CYP19A1: variants seen among roughly 807,000 people sequenced by gnomAD.
CYP19A1 encodes aromatase.
CYP19A1 carries 32 observed loss-of-function variants against 44.4 expected under a neutral mutation model. The observed-to-expected ratio is 0.72, with a 90% CI of 0.54 to 0.97. The LOEUF is 0.97. CYP19A1 is among the 50% of genes least tolerant of loss of function. The probability of loss-of-function intolerance (pLI) is 0.00; values close to 1 mark genes in which losing one functional copy is unlikely to be tolerated. For missense variants in CYP19A1, 598 were observed against 637.8 expected (o/e 0.94, Z 0.67); for synonymous variants, 212 against 215.6 (o/e 0.98, Z 0.14).
chr15:51,257,666 C>T (rs980652420), intron 1 of CYP19A1, among the ~76,000 whole-genome samples: 1 of 152,222 alleles, frequency 6.6e-6, no homozygotes, highest in Non-Finnish European at 1.5e-5. Context: ...AGGATCAATC[C>T]CACACAGCGC....
At chr15:51,240,634 A>G (rs1422594000) in intron 2 of CYP19A1, among the ~76,000 whole-genome samples, 1 of 152,060 alleles carries the variant, frequency 6.6e-6, no homozygotes, top group African/African-American at 2.4e-5. Context: ...CCAACCAGAA[A>G]CCATAGGATC....
chr15:51,297,816 T>TCACACACACACACACACA (rs1566917194), intron 1 of CYP19A1, among the ~76,000 whole-genome samples: 1 of 51,608 alleles, frequency 1.9e-5, no homozygotes, highest in East Asian at 8.1e-4. Context: ...ACTGTAGGCA[T>TCACACACACACACACACA]GACACACACA....
At chr15:51,312,124 C>A (rs1263639189) in intron 1 of CYP19A1, 1 of 152,224 alleles carries the variant, frequency 6.6e-6, no homozygotes, top group Non-Finnish European at 1.5e-5. Flanking sequence ...TGGAAGTCAG[C>A]TTTCCCAGCA....
intron 2 of CYP19A1, among the ~76,000 whole-genome samples, chr15:51,239,759 G>GA (rs2033633075): frequency 6.6e-6 from 1 of 152,178 alleles, no homozygotes. Context: ...CATCCGCTTT[G>GA]TCAGGCTGCA....
chr15:51,240,680 C>T (rs2033703247), intron 2 of CYP19A1, among the ~76,000 whole-genome samples: 1 of 152,186 alleles, frequency 6.6e-6, no homozygotes, highest in South Asian at 2.1e-4. Context: ...CTAACTAGAC[C>T]TTCTGTTTTC....
intron 1 of CYP19A1, chr15:51,277,293 C>G (rs536218438): frequency 6.6e-6 from 1 of 152,084 alleles, no homozygotes; most frequent in Admixed American, 6.5e-5. Context: ...TTTATAATTA[C>G]GCAATCTTTA....
intron 1 of CYP19A1, among the ~76,000 whole-genome samples, chr15:51,306,122 T>C (rs952810601): frequency 9.2e-5 from 14 of 152,210 alleles, no homozygotes; most frequent in African/African-American, 3.4e-4. Flanking sequence ...ACCCAAAGTC[T>C]CCTTTATGAG....
At position 51,218,526 on chromosome 15, in the gene CYP19A1, A is replaced by C. The variant is rs777177204; in HGVS notation, c.743+15T>G. 3.1e-6 allele frequency: 5 copies of C among 1,607,882 alleles called. No individual in the cohort carries two copies. Among genetic ancestry groups the C allele is most frequent in the African/African-American group, 1.3e-5 (1 of 74,800 alleles). ...CCAATTGTACTCATAAATCTTCCAA[A>C]GTTGTATTACTTACACAGACTTCTC... On this transcript the variant is annotated intron_variant, in intron 6 of 9. Transcript: ENST00000396402.
chr15:51,245,796 A>G (rs1253409540), intron 1 of CYP19A1, among the ~76,000 whole-genome samples: 1 of 152,230 alleles, frequency 6.6e-6, no homozygotes, highest in Non-Finnish European at 1.5e-5. Context: ...CAAGCCTGAG[A>G]GCTAAGTCTA....
At chr15:51,301,574 G>A (rs751079001) in intron 1 of CYP19A1, among the ~76,000 whole-genome samples, 32 of 152,256 alleles carry the variant, frequency 2.1e-4, no homozygotes, top group Admixed American at 4.6e-4. Flanking sequence ...GACCCCCCGC[G>A]TGCCTTCCTT....
At chr15:51,253,258 A>G (rs28757156) in intron 1 of CYP19A1, among the ~76,000 whole-genome samples, 20,787 of 152,222 alleles carry the variant, frequency 0.14, 2,451 homozygotes, top group African/African-American at 0.3. Context: ...CAAAACCTCA[A>G]TAAACTTATT....
Position 51,210,919 on chromosome 15 carries a change from A to G in CYP19A1, c.1401T>C (p.Cys467=). Residue 467 remains cysteine, a synonymous_variant, in exon 10 of 10, where the codon TGT becomes TGC. Transcript: ENST00000396402. ...RFHVKTLQGQ[C]VESIQKIHDL... ...CGTGTATCTTCTGTATGCTCTCAAC[A>G]CACTGTCCTTGCAATGTCTTCACGT... 3 of 1,605,926 alleles carry G rather than the reference A, an allele frequency of 1.9e-6. No individual in the cohort carries two copies. Among genetic ancestry groups the G allele is most frequent in the Non-Finnish European group, 2.6e-6 (3 of 1,172,612 alleles).
In CYP19A1 at chr15:51,333,651, G is replaced by A. The variant is rs28757071; in HGVS notation, c.-39+4844C>T. ...CCCTGGTGGAGGTCAGAGATCATAC[G>A]TGGTTTCCATAGTGACAGAAGCCAG... On this transcript the variant is annotated intron_variant, in intron 1 of 9. Coordinates refer to ENST00000396402, the MANE Select transcript of CYP19A1 (RefSeq NM_000103.4). Among the ~76,000 whole-genome samples the A allele has an allele frequency of 9.0e-3, 1,369 of 152,290 alleles. 21 individuals carry two copies. Among genetic ancestry groups the A allele is most frequent in the African/African-American group, 0.032 (1,317 of 41,562 alleles).
At chr15:51,336,446 G>A (rs1439435083) in intron 1 of CYP19A1, among the ~76,000 whole-genome samples, 1 of 152,204 alleles carries the variant, frequency 6.6e-6, no homozygotes, top group African/African-American at 2.4e-5. Flanking sequence ...AAAACCATAA[G>A]AGGCTGAGTG....
In CYP19A1 at chr15:51,239,743, G is replaced by A. The variant is rs577237787; in HGVS notation, c.146-2734C>T. 2.1e-4 allele frequency among the ~76,000 whole-genome samples: 32 copies of A among 152,332 alleles called. No homozygotes were observed. In the South Asian group the frequency reaches 6.4e-3, roughly 31 times the overall value. On this transcript the variant is annotated intron_variant, in intron 2 of 9. Transcript: ENST00000396402. ...GGCACACGAGGAGCTTCTGGAACAAGGGTAACATCCGCTTTGTCAGGCTGC... is the reference window on the plus strand; with the variant it reads ...GGCACACGAGGAGCTTCTGGAACAAAGGTAACATCCGCTTTGTCAGGCTGC...
At chr15:51,269,778 T>C (rs1566904634) in intron 1 of CYP19A1, among the ~76,000 whole-genome samples, 1 of 152,222 alleles carries the variant, frequency 6.6e-6, no homozygotes, top group Non-Finnish European at 1.5e-5. Context: ...CTCAGAGCTA[T>C]ACTGTTGTCT....
chr15:51,215,613 T>C, intron 7 of CYP19A1, 90 bp downstream of exon 7: 1 of 1,608,758 alleles, frequency 6.2e-7, no homozygotes. Flanking sequence ...AAAGCAGAAA[T>C]ATGCAACAGT....
chr15:51,274,319 G>C lies in CYP19A1; in HGVS notation c.-38-31369C>G, dbSNP rs16964234. Among the ~76,000 whole-genome samples, 1,349 of 152,296 alleles carry C rather than the reference G, an allele frequency of 8.9e-3. 26 individuals carry two copies. The highest frequency in any genetic ancestry group is 0.031 in the African/African-American group (1,307 of 41,568). Reference sequence around the variant, plus strand: ...AACCTATTACTGGGCATTCTTTTCAGACTTCCTGAGCTGCCCATCAGCCCT... The same window carrying C: ...AACCTATTACTGGGCATTCTTTTCACACTTCCTGAGCTGCCCATCAGCCCT... On this transcript the variant is annotated intron_variant, in intron 1 of 9. Coordinates refer to ENST00000396402, the MANE Select transcript of CYP19A1 (RefSeq NM_000103.4).
chr15:51,243,220 G>A (rs2033883062), intron 1 of CYP19A1, among the ~76,000 whole-genome samples: 1 of 152,172 alleles, frequency 6.6e-6, no homozygotes, highest in African/African-American at 2.4e-5. Context: ...TCTTGCCCTT[G>A]AGTGGGTAGA....
Sources: gnomAD v4.1 joint callset for allele counts (sites outside exome capture counted in the v4.1 genomes callset) on GRCh38, gnomAD v4.1.1 for gene constraint, MANE v1.5 for transcripts, NCBI Gene and HGNC (gene_info 2026-07-23, HGNC 2026-07-21) for gene names.